Variants in LHX4 observed in about 807,000 individuals in gnomAD.
LHX4 encodes LIM/homeobox protein Lhx4.
In LHX4, 16 loss-of-function variants were observed where a neutral mutation model predicts 39.2. The observed-to-expected ratio is 0.41, with a 90% CI of 0.28 to 0.62. The LOEUF (loss-of-function observed/expected upper bound fraction) is 0.62. Among genes scored for constraint, LHX4 ranks in the 20% least tolerant of loss-of-function variants. LHX4 has a pLI of 0.33. For synonymous variants in LHX4, 206 were observed against 198.1 expected (o/e 1.04, Z -0.33); for missense variants, 439 against 511.9 (o/e 0.86, Z 1.37).
At chr1:180,271,766 A>G in intron 4 of LHX4, 69 bp from the exon 5 acceptor site, 2 of 1,570,114 alleles carry the variant, frequency 1.3e-6, no homozygotes, top group Non-Finnish European at 1.8e-6. Context: ...CCGCCCGCCT[A>G]GGGGGTCCTG....
chr1:180,256,835 A>C (rs1315600918), intron 2 of LHX4, among the ~76,000 whole-genome samples: 1 of 152,222 alleles, frequency 6.6e-6, no homozygotes, highest in Non-Finnish European at 1.5e-5. Context: ...TGAGAAGGGC[A>C]GATGAGGTGC....
At position 180,232,853 on chromosome 1, in the gene LHX4, G is replaced by A. The variant is rs1255303502; in HGVS notation, c.76+2248G>A. On this transcript the variant is annotated intron_variant, in intron 1 of 5. Coordinates refer to ENST00000263726, the MANE Select transcript of LHX4 (RefSeq NM_033343.4). The surrounding 1 kb of genome is among the most constrained non-coding windows in gnomAD (Gnocchi z 5.4). ...AAGGGGGGAAGCTCGAGGGGTTGTG[G>A]GGCACACCCTTGGGCCTTCCGGGAC... 1.3e-5 allele frequency among the ~76,000 whole-genome samples: 2 copies of A among 152,190 alleles called. No homozygotes were observed. Among genetic ancestry groups the A allele is most frequent in the Non-Finnish European group, 2.9e-5 (2 of 68,032 alleles).
intron 2 of LHX4, among the ~76,000 whole-genome samples, chr1:180,251,282 G>C (rs1282699224): frequency 6.6e-6 from 1 of 152,186 alleles, no homozygotes; most frequent in African/African-American, 2.4e-5. Context: ...CCATTCCCAG[G>C]CATGCTTGGT....
chr1:180,266,663 G>T lies in LHX4; in HGVS notation c.451+69G>T, dbSNP rs1257302766. ...TTGGGCCACGCCCTCTGCCTGAGGT[G>T]CCCTTCTCATGGCGTCCCACCTGCC... On this transcript the variant is annotated intron_variant, in intron 3 of 5. Coordinates refer to ENST00000263726, the MANE Select transcript of LHX4 (RefSeq NM_033343.4). The surrounding 1 kb of genome is among the most constrained non-coding windows in gnomAD (Gnocchi z 5.7). 41 of 1,491,654 alleles carry T rather than the reference G, an allele frequency of 2.7e-5. No homozygotes were observed. Among genetic ancestry groups the T allele is most frequent in the Non-Finnish European group, 3.7e-5 (40 of 1,087,064 alleles). 92.4% of individuals were successfully genotyped at this position (1,491,654 alleles called of 1,614,324 possible). A position where few individuals can be genotyped will look rare whatever the true frequency, so the allele number is the denominator to read the frequency against.
Position 180,274,595 on chromosome 1 carries a change from AC to A in LHX4, c.*19del. On this transcript the variant is annotated 3_prime_UTR_variant, in exon 6 of 6. Coordinates refer to ENST00000263726, the MANE Select transcript of LHX4 (RefSeq NM_033343.4). ...TCCTTTTTAAACTTCTCTCCTCCCC[AC>A]CCTACCTGCCCCCCTGGCTTGAGAG... is the stretch of plus-strand genomic sequence containing the variant. 6.5e-7 allele frequency: 1 copy of A among 1,544,056 alleles called. No individual in the cohort carries two copies. The highest frequency in any genetic ancestry group is 1.4e-5 in the African/African-American group (1 of 73,656).
In LHX4 at chr1:180,232,350, G is replaced by A. The variant is rs1664203068; in HGVS notation, c.76+1745G>A. On this transcript the variant is annotated intron_variant, in intron 1 of 5. Coordinates refer to ENST00000263726, the MANE Select transcript of LHX4 (RefSeq NM_033343.4). The surrounding 1 kb of genome is among the most constrained non-coding windows in gnomAD (Gnocchi z 5.4). Reference sequence around the variant, plus strand: ...TCTGACGGCCTTTCTTGTGATGAGTGACACTCTGATTGTCTCACTTTTTGC... The same window carrying A: ...TCTGACGGCCTTTCTTGTGATGAGTAACACTCTGATTGTCTCACTTTTTGC... Among the ~76,000 whole-genome samples, 1 of 152,198 alleles carries A rather than the reference G, an allele frequency of 6.6e-6. No homozygotes were observed. The highest frequency in any genetic ancestry group is 1.5e-5 in the Non-Finnish European group (1 of 68,036).
chr1:180,241,251 A>G (rs1664439888), intron 1 of LHX4, among the ~76,000 whole-genome samples: 1 of 152,192 alleles, frequency 6.6e-6, no homozygotes. Flanking sequence ...CCCTTGTAAT[A>G]CTGCATTGTC....
rs368040014 is a variant in LHX4, at chr1:180,274,208, G to A, written c.802G>A (p.Gly268Ser). The A allele has an allele frequency of 4.8e-5, 77 of 1,614,028 alleles. No homozygotes were observed. The highest frequency in any genetic ancestry group is 6.4e-5 in the Non-Finnish European group (76 of 1,180,030). Residue 268 changes from glycine (G) to serine (S), a missense_variant, in exon 6 of 6, where the codon GGC becomes AGC. Gly to Ser is a moderately conservative substitution (Grantham distance 56, BLOSUM62 0). Coordinates refer to ENST00000263726, the MANE Select transcript of LHX4 (RefSeq NM_033343.4). ...AGAGGATCAAATTCTCTCAGAACTT[G>A]GCCACACCAATAGGATTTATGGCAA... ...FREDQILSEL[G>S]HTNRIYGNVG... is the part of the protein sequence containing the mutation.
Position 180,230,447 on chromosome 1 carries a change from A to G in LHX4, c.-83A>G. On this transcript the variant is annotated 5_prime_UTR_variant, in exon 1 of 6. Transcript: ENST00000263726. The surrounding 1 kb of genome is among the most constrained non-coding windows in gnomAD (Gnocchi z 5.8). The stretch of plus-strand genomic sequence containing the variant: ...CAGCGGCCTGCTTGGGGTTTTAATT[A>G]TTATTTTGAAATTTCTGAATCGAGC... The G allele has an allele frequency of 8.2e-7, 1 of 1,221,298 alleles. No individual in the cohort carries two copies. Among genetic ancestry groups the G allele is most frequent in the East Asian group, 2.5e-5 (1 of 40,746 alleles). The allele number at this position is 1,221,298 out of a possible 1,614,324, so 75.7% of individuals were successfully genotyped here. A position where few individuals can be genotyped will look rare whatever the true frequency, so the allele number is the denominator to read the frequency against.
chr1:180,235,887 T>C (rs1386096659), intron 1 of LHX4, among the ~76,000 whole-genome samples: 2 of 152,176 alleles, frequency 1.3e-5, no homozygotes, highest in Non-Finnish European at 1.5e-5. Context: ...TGGGACCTTA[T>C]TATTTTTAGA....
intron 1 of LHX4, among the ~76,000 whole-genome samples, chr1:180,236,060 AAAAAC>A (rs1664309252): frequency 6.6e-6 from 1 of 152,162 alleles, no homozygotes; most frequent in South Asian, 2.1e-4. Flanking sequence ...TTGACACGCC[AAAAAC>A]AAAGGGGGGT....
chr1:180,264,791 C>A (rs1004712038), intron 2 of LHX4, among the ~76,000 whole-genome samples: 2 of 152,206 alleles, frequency 1.3e-5, no homozygotes, highest in African/African-American at 2.4e-5. Flanking sequence ...CTCTGAAAAC[C>A]AAGAGGCATT....
At chr1:180,239,638 A>G (rs1344554659) in intron 1 of LHX4, among the ~76,000 whole-genome samples, 1 of 152,244 alleles carries the variant, frequency 6.6e-6, no homozygotes. Flanking sequence ...GGTGGAAGCC[A>G]TCAGACCCAG....
rs113141170 is a variant in LHX4, at chr1:180,246,007, G to GA, written c.77-2266dup. ...CTCAAGGAGGAAAACTGTGGAGATA[G>GA]AAAAAAAAAAAAGAATCCTGTATGT... On this transcript the variant is annotated intron_variant, in intron 1 of 5. Transcript: ENST00000263726. 3.6e-3 allele frequency among the ~76,000 whole-genome samples: 516 copies of GA among 143,506 alleles called. 5 individuals are homozygous for GA. Among genetic ancestry groups the GA allele is most frequent in the African/African-American group, 0.01 (408 of 39,258 alleles). The allele number at this position is 143,506 out of a possible 152,430, so 94.1% of individuals were successfully genotyped here.
Position 180,230,692 on chromosome 1 carries a change from G to A in LHX4, c.76+87G>A. On this transcript the variant is annotated intron_variant, in intron 1 of 5. Coordinates refer to ENST00000263726, the MANE Select transcript of LHX4 (RefSeq NM_033343.4). The surrounding 1 kb of genome is among the most constrained non-coding windows in gnomAD (Gnocchi z 5.8). ...TGCGGGGCGGGCCGGACGCCGCTCA[G>A]GGGCCGGGAGGGGCTGGCGGCCGGG... 7.9e-7 allele frequency: 1 copy of A among 1,264,690 alleles called. No homozygotes were observed. Among genetic ancestry groups the A allele is most frequent in the Non-Finnish European group, 1.1e-6 (1 of 877,806 alleles). 78.3% of individuals were successfully genotyped at this position (1,264,690 alleles called of 1,614,324 possible).
intron 2 of LHX4, among the ~76,000 whole-genome samples, chr1:180,256,327 G>A (rs1409694750): frequency 1.3e-5 from 2 of 152,178 alleles, no homozygotes; most frequent in African/African-American, 4.8e-5. Flanking sequence ...TCTGGCCAAG[G>A]TCACACCAGG....
Position 180,274,714 on chromosome 1 carries a change from A to T in LHX4, c.*135A>T. ...TATTTTCAATGGAAGTCCTCCGCTG[A>T]TTCCTAGAAGGCTGTGAGACCACAC... On this transcript the variant is annotated 3_prime_UTR_variant, in exon 6 of 6. Transcript: ENST00000263726. 1 of 1,089,438 alleles carries T rather than the reference A, an allele frequency of 9.2e-7. No homozygotes were observed. The highest frequency in any genetic ancestry group is 1.3e-6 in the Non-Finnish European group (1 of 770,470). The allele number at this position is 1,089,438 out of a possible 1,614,324, so 67.5% of individuals were successfully genotyped here.
intron 1 of LHX4, among the ~76,000 whole-genome samples, chr1:180,241,792 TTTTG>T (rs1249769407): frequency 6.6e-6 from 1 of 151,752 alleles, no homozygotes; most frequent in Non-Finnish European, 1.5e-5. Context: ...TTTTGATTTT[TTTTG>T]TTTTTGTGTT....
intron 2 of LHX4, among the ~76,000 whole-genome samples, chr1:180,262,281 G>GAAAAAAAAA: frequency 7.5e-6 from 1 of 132,562 alleles, no homozygotes; most frequent in African/African-American, 2.8e-5. Flanking sequence ...ACTTTGAAAG[G>GAAAAAAAAA]AAAAAAAAAA....
Sources: allele counts gnomAD v4.1 joint callset (sites outside exome capture counted in the v4.1 genomes callset), GRCh38; gene constraint gnomAD v4.1.1; non-coding constraint Gnocchi (gnomAD v3.1); transcripts MANE v1.5; gene names NCBI Gene and HGNC (gene_info 2026-07-23, HGNC 2026-07-21).